Variants in GABPB1 observed in about 807,000 individuals in gnomAD.
GABPB1 encodes GA binding protein transcription factor subunit beta 1, also known as GA-binding protein subunit beta-1.
A neutral mutation model predicts 45.9 loss-of-function variants in GABPB1; 15 were observed. The ratio of observed to expected loss-of-function variants is 0.33; its 90% confidence interval spans 0.22 to 0.50. The LOEUF (loss-of-function observed/expected upper bound fraction) is 0.50, where lower values mean the gene tolerates loss of function less well. GABPB1 is among the 20% of genes least tolerant of loss of function. The pLI is 0.98. For missense variants in GABPB1, 252 were observed against 457.5 expected (o/e 0.55, Z 4.10); for synonymous variants, 143 against 154.4 (o/e 0.93, Z 0.55).
chr15:50,280,681 G>A (rs1055431440), intron 8 of GABPB1, among the ~76,000 whole-genome samples: 3 of 152,018 alleles, frequency 2.0e-5, no homozygotes, highest in African/African-American at 7.3e-5. Context: ...AGGAGGTTGA[G>A]GCTGCAGTGA....
At chr15:50,332,772 T>A (rs2047990894) in intron 1 of GABPB1, among the ~76,000 whole-genome samples, 1 of 152,124 alleles carries the variant, frequency 6.6e-6, no homozygotes, top group Non-Finnish European at 1.5e-5. Flanking sequence ...ATTACTATCC[T>A]TCTAGGTAAG....
chr15:50,338,464 A>G (rs886789043), intron 1 of GABPB1, among the ~76,000 whole-genome samples: 1 of 152,160 alleles, frequency 6.6e-6, no homozygotes, highest in African/African-American at 2.4e-5. Flanking sequence ...GTGCTGTTAT[A>G]AACTTCCCTA....
intron 1 of GABPB1, among the ~76,000 whole-genome samples, chr15:50,329,589 G>A (rs1342594236): frequency 6.6e-6 from 1 of 152,052 alleles, no homozygotes; most frequent in Admixed American, 6.5e-5. Context: ...ACCTGAAATA[G>A]TTTTTCTCCA....
chr15:50,279,477 GATTAA>G (rs1180634346), intron 8 of GABPB1, among the ~76,000 whole-genome samples: 4 of 106,770 alleles, frequency 3.7e-5, no homozygotes, highest in Non-Finnish European at 9.8e-5. Context: ...AATTATCAAT[GATTAA>G]ATTATATAGG....
At chr15:50,335,895 CAAAAAAAAAAAA>C (rs775073809) in intron 1 of GABPB1, among the ~76,000 whole-genome samples, 1 of 79,344 alleles carries the variant, frequency 1.3e-5, no homozygotes, top group Non-Finnish European at 2.4e-5. Context: ...GACTCCGACT[CAAAAAAAAAAAA>C]AAAAAAAAAA....
At chr15:50,283,433 A>G (rs1372115203) in intron 8 of GABPB1, among the ~76,000 whole-genome samples, 1 of 151,892 alleles carries the variant, frequency 6.6e-6, no homozygotes, top group Non-Finnish European at 1.5e-5. Flanking sequence ...ACTTTCTACA[A>G]TTTAAAGTAA....
intron 1 of GABPB1, among the ~76,000 whole-genome samples, chr15:50,317,196 G>A (rs1210831798): frequency 6.6e-5 from 10 of 151,530 alleles, no homozygotes; most frequent in African/African-American, 2.2e-4. Flanking sequence ...AGGAGTTCAA[G>A]ACCAGCCTCG....
At chr15:50,353,851 G>A (rs1273856288) in intron 1 of GABPB1, 1 of 153,244 alleles carries the variant, frequency 6.5e-6, no homozygotes. Flanking sequence ...CCTTTTTCTA[G>A]ATAAAAAACG....
intron 7 of GABPB1, among the ~76,000 whole-genome samples, chr15:50,288,774 A>T (rs2046248497): frequency 6.6e-6 from 1 of 152,110 alleles, no homozygotes; most frequent in East Asian, 1.9e-4. Context: ...AATTCACAAT[A>T]AAGCTGCTAA....
chr15:50,340,108 T>C (rs1427038974), intron 1 of GABPB1, among the ~76,000 whole-genome samples: 1 of 152,174 alleles, frequency 6.6e-6, no homozygotes, highest in African/African-American at 2.4e-5. Flanking sequence ...ATGGATGGAA[T>C]TATTGCCAGA....
intron 1 of GABPB1, among the ~76,000 whole-genome samples, chr15:50,323,592 C>T (rs2047649180): frequency 6.6e-6 from 1 of 152,134 alleles, no homozygotes; most frequent in Non-Finnish European, 1.5e-5. Context: ...AGGCAATTAG[C>T]CAGGCACAGT....
chr15:50,286,115 G>A lies in GABPB1; in HGVS notation c.952C>T (p.Gln318Ter). 6.2e-7 allele frequency: 1 copy of A among 1,611,628 alleles called. No individual in the cohort carries two copies. Among genetic ancestry groups the A allele is most frequent in the Non-Finnish European group, 8.5e-7 (1 of 1,178,786 alleles). The stretch of plus-strand genomic sequence containing the variant: ...CGGTTTTCAATTATTTCGATACATT[G>A]TCTCTTAGCTGGTGGTTCTTCACTT... Reference protein sequence around the residue: ...VISEEPPAKRQCIEIIENRVE... With the variant: ...VISEEPPAKR The change falls in exon 8 of 9, where the codon CAA (glutamine) becomes TAA (stop). Residue 318 changes from glutamine to a stop codon, truncating the protein, a stop_gained. Transcript: ENST00000380877. LOFTEE classifies it high-confidence loss of function.
chr15:50,354,343 T>G, intron 1 of GABPB1: 1 of 447,962 alleles, frequency 2.2e-6, no homozygotes, highest in South Asian at 1.6e-5. Flanking sequence ...AGGCTGTCGC[T>G]GCGGGGGCCC....
intron 6 of GABPB1, among the ~76,000 whole-genome samples, chr15:50,289,872 C>T (rs548159867): frequency 2.6e-5 from 4 of 151,942 alleles, no homozygotes; most frequent in South Asian, 2.1e-4. Flanking sequence ...CCTGCACTCA[C>T]GTAATCCTCT....
At chr15:50,352,807 T>C (rs768759534) in intron 1 of GABPB1, 3 of 152,228 alleles carry the variant, frequency 2.0e-5, no homozygotes, top group Non-Finnish European at 4.4e-5. Context: ...CAGAAACAAC[T>C]GGAAACAAAC....
At chr15:50,309,637 A>G in intron 2 of GABPB1, 54 bp downstream of exon 2, 1 of 1,141,682 alleles carries the variant, frequency 8.8e-7, no homozygotes. Context: ...TTTCTCTGCA[A>G]AAACTCAAAA....
At chr15:50,345,147 G>A (rs569794237) in intron 1 of GABPB1, among the ~76,000 whole-genome samples, 9 of 152,182 alleles carry the variant, frequency 5.9e-5, no homozygotes, top group African/African-American at 2.2e-4. Flanking sequence ...AAACAGAATA[G>A]TCAGAAGGGA....
chr15:50,347,682 AC>A (rs2141179665), intron 1 of GABPB1, among the ~76,000 whole-genome samples: 1 of 152,284 alleles, frequency 6.6e-6, no homozygotes, highest in East Asian at 1.9e-4. Context: ...TAATTTTACA[AC>A]CACCTCAGTC....
At chr15:50,326,407 CA>C (rs2047764329) in intron 1 of GABPB1, among the ~76,000 whole-genome samples, 1 of 151,900 alleles carries the variant, frequency 6.6e-6, no homozygotes, top group Non-Finnish European at 1.5e-5. Flanking sequence ...CCTGTAATCC[CA>C]GCACTTTGGG....
Sources: gnomAD v4.1 joint callset for allele counts (sites outside exome capture counted in the v4.1 genomes callset) on GRCh38, gnomAD v4.1.1 for gene constraint, MANE v1.5 for transcripts, NCBI Gene and HGNC (gene_info 2026-07-23, HGNC 2026-07-21) for gene names.